The following SLC26A4 variants were observed in gnomAD, a reference collection of about 807,000 sequenced individuals.
SLC26A4 encodes the protein solute carrier family 26 member 4.
In SLC26A4, 93 loss-of-function variants were observed where a neutral mutation model predicts 90.4. That is an observed-to-expected ratio of 1.03 (90% CI 0.87 to 1.22). SLC26A4 has a LOEUF of 1.22. Ranked by LOEUF, SLC26A4 falls within the 50% of genes most tolerant of loss-of-function variation. The pLI, the probability that SLC26A4 is intolerant of heterozygous loss-of-function variation, is 0.00. For synonymous variants in SLC26A4, 393 were observed against 354.6 expected (o/e 1.11, Z -1.22); for missense variants, 1,127 against 946.2 (o/e 1.19, Z -2.51).
intron 18 of SLC26A4, among the ~76,000 whole-genome samples, chr7:107,705,600 C>T (rs992554328): frequency 6.6e-6 from 1 of 151,866 alleles, no homozygotes; most frequent in Non-Finnish European, 1.5e-5. Flanking sequence ...TGCACAGATG[C>T]TTCCTTGTTG....
rs1368042750 is a variant in SLC26A4, at chr7:107,693,770, T to C, written c.1264-633T>C. 9.3e-6 allele frequency: 9 copies of C among 964,460 alleles called. 1 individual carries two copies. The Admixed American group carries it at 4.7e-4, about 50-fold the overall frequency. 59.7% of individuals were successfully genotyped at this position (964,460 alleles called of 1,614,324 possible). On this transcript the variant is annotated intron_variant, in intron 10 of 20. Coordinates refer to ENST00000644269, the MANE Select transcript of SLC26A4 (RefSeq NM_000441.2). ...CCATAGTCACTGTTTCAGGCTGCCTTGGGGCAAAGCTCTGAGCCTGCCTCC... is the reference window on the plus strand; with the variant it reads ...CCATAGTCACTGTTTCAGGCTGCCTCGGGGCAAAGCTCTGAGCCTGCCTCC...
chr7:107,672,905 TA>T (rs1365129100), intron 4 of SLC26A4, among the ~76,000 whole-genome samples: 4 of 152,232 alleles, frequency 2.6e-5, no homozygotes, highest in African/African-American at 9.6e-5. Flanking sequence ...ACATTTATAC[TA>T]GAGAAAATTT....
chr7:107,670,170 C>T (rs920662999), intron 3 of SLC26A4, among the ~76,000 whole-genome samples: 12 of 148,236 alleles, frequency 8.1e-5, no homozygotes, highest in South Asian at 2.1e-4. Flanking sequence ...AATGCAGTGG[C>T]GCAATCTCGG....
chr7:107,699,889 C>T (rs1791836640), intron 14 of SLC26A4, among the ~76,000 whole-genome samples, 194 bp from the exon 15 acceptor site: 1 of 150,964 alleles, frequency 6.6e-6, no homozygotes, highest in African/African-American at 2.4e-5. Context: ...CATTGTGCCA[C>T]TGTACTCCAG....
At chr7:107,684,727 C>G (rs951853945) in intron 8 of SLC26A4, among the ~76,000 whole-genome samples, 1 of 152,166 alleles carries the variant, frequency 6.6e-6, no homozygotes, top group Non-Finnish European at 1.5e-5. Context: ...AAAAGTGCCT[C>G]AAGTGATTCT....
chr7:107,697,293 T>C (rs1371892606), intron 13 of SLC26A4, among the ~76,000 whole-genome samples: 2 of 152,214 alleles, frequency 1.3e-5, no homozygotes, highest in African/African-American at 4.8e-5. Flanking sequence ...GAATAACTGG[T>C]GGCACATTTT....
At chr7:107,672,799 G>A (rs1790910579) in intron 4 of SLC26A4, among the ~76,000 whole-genome samples, 1 of 152,072 alleles carries the variant, frequency 6.6e-6, no homozygotes, top group African/African-American at 2.4e-5. Flanking sequence ...TCTTGGTATG[G>A]CTTATAATAA....
chr7:107,685,684 C>T (rs1791377430), intron 8 of SLC26A4, among the ~76,000 whole-genome samples: 1 of 152,204 alleles, frequency 6.6e-6, no homozygotes, highest in African/African-American at 2.4e-5. Context: ...AAGCGCCCCA[C>T]TAGGATTCAC....
At chr7:107,701,352 C>T (rs570727681) in intron 16 of SLC26A4, among the ~76,000 whole-genome samples, 156 bp downstream of exon 16, 1 of 152,258 alleles carries the variant, frequency 6.6e-6, no homozygotes, top group Non-Finnish European at 1.5e-5. Flanking sequence ...TTCTTATAGG[C>T]AAGCGGGAGT....
intron 8 of SLC26A4, among the ~76,000 whole-genome samples, chr7:107,687,216 C>T (rs553229656): frequency 6.6e-6 from 1 of 152,216 alleles, no homozygotes; most frequent in African/African-American, 2.4e-5. Flanking sequence ...GCCTGACATG[C>T]TTGGCTGGGG....
In SLC26A4 at chr7:107,716,742, A is replaced by G. The variant is rs1330051091; in HGVS notation, c.*1296A>G. 3.3e-5 allele frequency: 5 copies of G among 152,190 alleles called. No individual in the cohort carries two copies. Among genetic ancestry groups the G allele is most frequent in the Non-Finnish European group, 7.3e-5 (5 of 68,044 alleles). 9.4% of individuals were successfully genotyped at this position (152,190 alleles called of 1,614,324 possible). A position where few individuals can be genotyped will look rare whatever the true frequency, so the allele number is the denominator to read the frequency against. On this transcript the variant is annotated 3_prime_UTR_variant, in exon 21 of 21. Coordinates refer to ENST00000644269, the MANE Select transcript of SLC26A4 (RefSeq NM_000441.2). ...AAAGTTATACCCAGGTCCCCAATTG[A>G]GAATGTCTTGCTTGATTGAAAACGA...
At chr7:107,666,986 A>T (rs572863430) in intron 3 of SLC26A4, among the ~76,000 whole-genome samples, 1 of 152,240 alleles carries the variant, frequency 6.6e-6, no homozygotes, top group Non-Finnish European at 1.5e-5. Flanking sequence ...AATCACTGAC[A>T]CATAATGATG....
chr7:107,716,741 G>A lies in SLC26A4; in HGVS notation c.*1295G>A, dbSNP rs1382341607. On this transcript the variant is annotated 3_prime_UTR_variant, in exon 21 of 21. Coordinates refer to ENST00000644269, the MANE Select transcript of SLC26A4 (RefSeq NM_000441.2). ...AAAAGTTATACCCAGGTCCCCAATT[G>A]AGAATGTCTTGCTTGATTGAAAACG... 1 of 152,070 alleles carries A rather than the reference G, an allele frequency of 6.6e-6. No homozygotes were observed. Among genetic ancestry groups the A allele is most frequent in the Non-Finnish European group, 1.5e-5 (1 of 68,024 alleles). 9.4% of individuals were successfully genotyped at this position (152,070 alleles called of 1,614,324 possible).
chr7:107,680,295 T>C (rs1158632707), intron 6 of SLC26A4, among the ~76,000 whole-genome samples: 2 of 103,104 alleles, frequency 1.9e-5, no homozygotes, highest in South Asian at 5.2e-4. Flanking sequence ...CTTATCTTAT[T>C]ATATAATATA....
At chr7:107,701,306 C>T in intron 16 of SLC26A4, 110 bp downstream of exon 16, 5 of 742,904 alleles carry the variant, frequency 6.7e-6, no homozygotes, top group Non-Finnish European at 9.8e-6. Context: ...TGTGAATGAA[C>T]AAATGACATG....
Position 107,715,440 on chromosome 7 carries a change from A to C in SLC26A4, c.2337A>C (p.Ala779=), listed in dbSNP as rs1369328338. The C allele has an allele frequency of 1.9e-6, 3 of 1,613,378 alleles. No individual in the cohort carries two copies. The highest frequency in any genetic ancestry group is 2.5e-6 in the Non-Finnish European group (3 of 1,179,394). Residue 779 remains alanine, a synonymous_variant, in exon 21 of 21, where the codon GCA becomes GCC. Transcript: ENST00000644269. ...DVQDEAMRTL[A]S is the part of the protein sequence containing the mutation. ...TTCCACAGGCTATGCGTACACTTGC[A>C]TCCTGAAAGTGGGTTCGGGAGGTCT...
intron 17 of SLC26A4, among the ~76,000 whole-genome samples, chr7:107,703,656 C>T (rs1157070826): frequency 6.6e-6 from 1 of 152,146 alleles, no homozygotes; most frequent in Non-Finnish European, 1.5e-5. Flanking sequence ...CGAATATTTA[C>T]TTTCAAATAT....
At chr7:107,688,931 G>T in intron 8 of SLC26A4, 122 bp from the exon 9 acceptor site, 1 of 1,014,408 alleles carries the variant, frequency 9.9e-7, no homozygotes, top group South Asian at 1.4e-5. Flanking sequence ...TGTGCTTTTT[G>T]TTCTTTTGGA....
At position 107,703,993 on chromosome 7, in the gene SLC26A4, G is replaced by A. The variant is rs950416177; in HGVS notation, c.2035-338G>A. ...AGGTCAATAGTAACATTTTGAACCCGATAAGCATAGCCACACCCATATCTC... is the reference window on the plus strand; with the variant it reads ...AGGTCAATAGTAACATTTTGAACCCAATAAGCATAGCCACACCCATATCTC... On this transcript the variant is annotated intron_variant, in intron 17 of 20. Transcript: ENST00000644269. Among the ~76,000 whole-genome samples, 25 of 152,074 alleles carry A rather than the reference G, an allele frequency of 1.6e-4. 1 individual carries two copies. Among genetic ancestry groups the A allele is most frequent in the Admixed American group, 1.6e-3 (25 of 15,258 alleles).
Sources: gnomAD v4.1 joint callset for allele counts (sites outside exome capture counted in the v4.1 genomes callset) on GRCh38, gnomAD v4.1.1 for gene constraint, MANE v1.5 for transcripts, NCBI Gene and HGNC (gene_info 2026-07-23, HGNC 2026-07-21) for gene names.